ETV6: variants seen among roughly 807,000 people sequenced by gnomAD.
The protein encoded by ETV6 is transcription factor ETV6.
ETV6 carries 16 observed loss-of-function variants against 51.1 expected under a neutral mutation model. The ratio of observed to expected loss-of-function variants is 0.31; its 90% CI spans 0.21 to 0.48. The LOEUF (loss-of-function observed/expected upper bound fraction) is 0.48. Among genes scored for constraint, ETV6 ranks in the 20% least tolerant of loss-of-function variants. The pLI is 0.99. For missense variants in ETV6, 458 were observed against 594.8 expected (o/e 0.77, Z 2.39); for synonymous variants, 240 against 224.1 (o/e 1.07, Z -0.64).
chr12:11,824,703 C>T (rs990979600), intron 2 of ETV6, among the ~76,000 whole-genome samples: 1 of 152,010 alleles, frequency 6.6e-6, no homozygotes, highest in African/African-American at 2.4e-5. Flanking sequence ...ACCCTGGAGG[C>T]GGAAGTTGCT....
intron 2 of ETV6, among the ~76,000 whole-genome samples, chr12:11,821,525 G>A (rs1390548827): frequency 2.6e-5 from 4 of 151,784 alleles, no homozygotes; most frequent in African/African-American, 9.7e-5. Flanking sequence ...TAAGCCTAAC[G>A]TGCCTATTAA....
At chr12:11,694,343 G>A (rs1045374271) in intron 1 of ETV6, among the ~76,000 whole-genome samples, 1 of 152,198 alleles carries the variant, frequency 6.6e-6, no homozygotes, top group African/African-American at 2.4e-5. Context: ...TATGTAAGAT[G>A]TAATGCACAT....
chr12:11,794,178 T>TTC (rs941243572), intron 2 of ETV6, among the ~76,000 whole-genome samples: 2 of 152,096 alleles, frequency 1.3e-5, no homozygotes, highest in Non-Finnish European at 2.9e-5. Flanking sequence ...GCCTCTCTCT[T>TTC]TCTCTCTCTC....
chr12:11,713,273 C>T (rs1487091012), intron 1 of ETV6, among the ~76,000 whole-genome samples: 4 of 152,136 alleles, frequency 2.6e-5, no homozygotes, highest in East Asian at 3.8e-4. Context: ...CTAACACATA[C>T]GTGTGCATTG....
intron 1 of ETV6, among the ~76,000 whole-genome samples, chr12:11,741,721 C>A (rs1370208721): frequency 6.6e-6 from 1 of 152,156 alleles, no homozygotes; most frequent in Non-Finnish European, 1.5e-5. Flanking sequence ...AAAGGTAGGA[C>A]AGTGATAATT....
At chr12:11,660,839 T>C (rs756502379) in intron 1 of ETV6, among the ~76,000 whole-genome samples, 1 of 152,194 alleles carries the variant, frequency 6.6e-6, no homozygotes, top group Non-Finnish European at 1.5e-5. Flanking sequence ...ATTATTTTCA[T>C]GTATTGACCT....
intron 1 of ETV6, among the ~76,000 whole-genome samples, chr12:11,730,210 A>G (rs1298586943): frequency 1.3e-5 from 2 of 152,262 alleles, no homozygotes; most frequent in Admixed American, 6.5e-5. Context: ...TTAAGAGACC[A>G]GCAGCAGGCC....
rs1219643441 is a variant in ETV6 at position 11,893,831 on chromosome 12, TATATATATATACAC to T, written c.*2787_*2800del. ...ATATATATATATATATATATATATATATATATATATACACACACACACACATACACAAATATTCC... is the reference window on the plus strand; with the variant it reads ...ATATATATATATATATATATATATATACACACACACATACACAAATATTCC... On this transcript the variant is annotated 3_prime_UTR_variant, in exon 8 of 8. Coordinates refer to ENST00000396373, the MANE Select transcript of ETV6 (RefSeq NM_001987.5). 21 of 64,202 alleles carry T rather than the reference TATATATATATACAC, an allele frequency of 3.3e-4. No individual in the cohort carries two copies. The highest frequency in any genetic ancestry group is 4.5e-4 in the Non-Finnish European group (15 of 33,572). 4.0% of individuals were successfully genotyped at this position (64,202 alleles called of 1,614,324 possible).
chr12:11,707,098 G>T (rs561442847), intron 1 of ETV6, among the ~76,000 whole-genome samples: 31 of 152,228 alleles, frequency 2.0e-4, no homozygotes, highest in African/African-American at 7.2e-4. Context: ...ACTTGCACAG[G>T]CCTCAACAAT....
At chr12:11,840,838 C>T in intron 3 of ETV6, 1 of 234,954 alleles carries the variant, frequency 4.3e-6, no homozygotes, top group Non-Finnish European at 8.6e-6. Context: ...AACTATAAAA[C>T]AACCATGTAA....
chr12:11,675,648 T>TA (rs1364942311), intron 1 of ETV6, among the ~76,000 whole-genome samples: 1 of 151,990 alleles, frequency 6.6e-6, no homozygotes, highest in Non-Finnish European at 1.5e-5. Flanking sequence ...CCTGTCTCTA[T>TA]AAAAAAATAA....
chr12:11,751,885 G>A, intron 1 of ETV6: 1 of 503,566 alleles, frequency 2.0e-6, no homozygotes, highest in Non-Finnish European at 4.0e-6. Flanking sequence ...TGTGGTGGTT[G>A]TATAGTGAGA....
chr12:11,706,446 TA>T (rs1221118698), intron 1 of ETV6, among the ~76,000 whole-genome samples: 3 of 152,112 alleles, frequency 2.0e-5, no homozygotes, highest in African/African-American at 7.2e-5. Context: ...TGCATAAAAA[TA>T]AAAAAGAGTA....
intron 1 of ETV6, chr12:11,751,424 C>T (rs1468202589): frequency 1.9e-6 from 1 of 519,012 alleles, no homozygotes; most frequent in Non-Finnish European, 3.8e-6. Flanking sequence ...TTACATTGCC[C>T]AGTTAAACCA....
At chr12:11,847,845 A>T (rs1275034635) in intron 3 of ETV6, among the ~76,000 whole-genome samples, 3 of 152,200 alleles carry the variant, frequency 2.0e-5, no homozygotes, top group African/African-American at 7.2e-5. Context: ...GGGCATGTAC[A>T]TGTGGACAGG....
At chr12:11,840,789 C>G in intron 3 of ETV6, 1 of 284,200 alleles carries the variant, frequency 3.5e-6, no homozygotes, top group Non-Finnish European at 7.0e-6. Context: ...AACATTTTGT[C>G]TCATATCATC....
intron 2 of ETV6, among the ~76,000 whole-genome samples, chr12:11,780,681 TC>T (rs1945401440): frequency 6.6e-6 from 1 of 152,206 alleles, no homozygotes; most frequent in African/African-American, 2.4e-5. Context: ...AATTGGTCAC[TC>T]CCTTAAGACT....
intron 3 of ETV6, among the ~76,000 whole-genome samples, chr12:11,846,251 A>T (rs1946461904): frequency 6.6e-6 from 1 of 151,776 alleles, no homozygotes. Flanking sequence ...AAATGGCCAG[A>T]GGGAATCTGA....
At chr12:11,671,512 A>G (rs1224153640) in intron 1 of ETV6, among the ~76,000 whole-genome samples, 2 of 152,254 alleles carry the variant, frequency 1.3e-5, no homozygotes, top group Non-Finnish European at 2.9e-5. Context: ...TAAAGGAAAG[A>G]GAAATATTTA....
Sources: allele counts gnomAD v4.1 joint callset (sites outside exome capture counted in the v4.1 genomes callset), GRCh38; gene constraint gnomAD v4.1.1; transcripts MANE v1.5; gene names NCBI Gene and HGNC (gene_info 2026-07-23, HGNC 2026-07-21).